FLRT1: variants seen among roughly 807,000 people sequenced by gnomAD.
The protein encoded by FLRT1 is leucine-rich repeat transmembrane protein FLRT1.
In FLRT1, 14 loss-of-function variants were observed where a neutral mutation model predicts 30.9. The ratio of observed to expected loss-of-function variants is 0.45; its 90% CI spans 0.30 to 0.71. The LOEUF (loss-of-function observed/expected upper bound fraction) is 0.71. FLRT1 is among the 30% of genes least tolerant of loss of function. The pLI is 0.08. For synonymous variants in FLRT1, 368 were observed against 430.4 expected (o/e 0.85, Z 1.80); for missense variants, 737 against 949.2 (o/e 0.78, Z 2.94).
chr11:64,115,995 A>T (rs1944971479), intron 2 of FLRT1, among the ~76,000 whole-genome samples: 1 of 152,186 alleles, frequency 6.6e-6, no homozygotes, highest in East Asian at 1.9e-4. Context: ...TCCTGATAAG[A>T]TTTAACATTA....
chr11:64,049,541 C>T (rs773089018), intron 1 of FLRT1, among the ~76,000 whole-genome samples: 2 of 152,220 alleles, frequency 1.3e-5, no homozygotes, highest in South Asian at 2.1e-4. Context: ...CCTCCCCAAG[C>T]GGTCTTGGTC....
rs1182356586 is a variant in FLRT1 at position 64,113,867 on chromosome 11, G to GATAC, written c.-49-2349_-49-2346dup. Among the ~76,000 whole-genome samples, 338 of 132,998 alleles carry GATAC rather than the reference G, an allele frequency of 2.5e-3. 2 individuals are homozygous for GATAC. The highest frequency in any genetic ancestry group is 5.8e-3 in the Admixed American group (74 of 12,674). 87.3% of individuals were successfully genotyped at this position (132,998 alleles called of 152,430 possible). On this transcript the variant is annotated intron_variant, in intron 2 of 2. Transcript: ENST00000682287. Reference sequence around the variant, plus strand: ...GGATGGACAGCTGGATGTATGGATTGATACATGGATGGATGGATGGATGGA... The same window carrying GATAC: ...GGATGGACAGCTGGATGTATGGATTGATACATACATGGATGGATGGATGGATGGA...
chr11:64,062,726 C>A (rs1419914837), intron 1 of FLRT1, among the ~76,000 whole-genome samples: 1 of 152,212 alleles, frequency 6.6e-6, no homozygotes, highest in Admixed American at 6.5e-5. Flanking sequence ...CCCCGCGCAG[C>A]CTGACCCAGG....
rs534765350 is a variant in FLRT1, at chr11:64,060,834, C to G, written c.-1038+24675C>G. 2.9e-4 allele frequency among the ~76,000 whole-genome samples: 44 copies of G among 152,302 alleles called. 1 individual carries two copies. Among genetic ancestry groups the G allele is most frequent in the African/African-American group, 8.7e-4 (36 of 41,580 alleles). On this transcript the variant is annotated intron_variant, in intron 1 of 2. Transcript: ENST00000682287. The stretch of plus-strand genomic sequence containing the variant: ...TGCAGCCCCCGGGTCGCCCGGGTCC[C>G]GGAGCCGGCGGGTGTGAACGGGGCC...
chr11:64,086,247 C>A (rs1180512575), intron 1 of FLRT1, among the ~76,000 whole-genome samples: 1 of 152,134 alleles, frequency 6.6e-6, no homozygotes, highest in Admixed American at 6.5e-5. Flanking sequence ...GTCTTGCATT[C>A]GGGGCCAGAG....
intron 1 of FLRT1, among the ~76,000 whole-genome samples, chr11:64,041,355 C>T (rs866826817): frequency 6.6e-6 from 1 of 152,092 alleles, no homozygotes; most frequent in South Asian, 2.1e-4. Flanking sequence ...CTCCACCCCC[C>T]GTGACGCCTG....
intron 2 of FLRT1, among the ~76,000 whole-genome samples, chr11:64,109,915 G>A (rs1175085968): frequency 2.0e-5 from 3 of 152,096 alleles, no homozygotes; most frequent in Non-Finnish European, 2.9e-5. Flanking sequence ...ACTGGAGCGC[G>A]GAGGACAGAG....
chr11:64,039,420 C>T (rs376159097), intron 1 of FLRT1, among the ~76,000 whole-genome samples: 4 of 152,088 alleles, frequency 2.6e-5, no homozygotes, highest in Non-Finnish European at 5.9e-5. Flanking sequence ...CGGGTGGTAG[C>T]GGGGGGTCCC....
At chr11:64,114,055 CATGGATGGATGGATGG>C (rs61724501) in intron 2 of FLRT1, among the ~76,000 whole-genome samples, 25 of 98,120 alleles carry the variant, frequency 2.5e-4, no homozygotes, top group African/African-American at 5.4e-4. Context: ...TGGGTTGATG[CATGGATGGATGGATGG>C]ATGGATGGAT....
rs1330830660 is a variant in FLRT1, at chr11:64,117,138, G to A, written c.871G>A (p.Ala291Thr). The A allele has an allele frequency of 1.9e-6, 3 of 1,613,270 alleles. No individual in the cohort carries two copies. The highest frequency in any genetic ancestry group is 2.5e-6 in the Non-Finnish European group (3 of 1,179,694). ...CAGCCACATCCCCTACAACACGCTG[G>A]CCAAGATGCGTGAGCTGGAGCGGCT... ...AISHIPYNTLAKMRELERLDL... is the reference protein window; with the variant it reads ...AISHIPYNTLTKMRELERLDL... The change falls in exon 3 of 3, where the codon GCC becomes ACC. Residue 291 changes from alanine to threonine, a missense_variant. By Grantham distance (58) the Ala-to-Thr change is moderately conservative (BLOSUM62 0). Coordinates refer to ENST00000682287, the MANE Select transcript of FLRT1 (RefSeq NM_013280.5).
In FLRT1 at chr11:64,067,320, C is replaced by G. The variant is rs1319726068; in HGVS notation, c.-1038+31161C>G. Among the ~76,000 whole-genome samples the G allele has an allele frequency of 1.3e-5, 2 of 152,174 alleles. No individual in the cohort carries two copies. The highest frequency in any genetic ancestry group is 2.4e-5 in the African/African-American group (1 of 41,442). On this transcript the variant is annotated intron_variant, in intron 1 of 2. Coordinates refer to ENST00000682287, the MANE Select transcript of FLRT1 (RefSeq NM_013280.5). This position sits in a 1 kb window ranked among gnomAD's most constrained non-coding sequence, Gnocchi z 4.6. ...TGGCCTCCTCCCCACTGCTCAGCCTCTCCCGGAGGATGGTGAGGGGGGAAT... is the reference window on the plus strand; with the variant it reads ...TGGCCTCCTCCCCACTGCTCAGCCTGTCCCGGAGGATGGTGAGGGGGGAAT...
rs1944025161 is a variant in FLRT1, at chr11:64,067,436, CCAGGTGACAGCCAGCACAGA to C, written c.-1038+31279_-1038+31298del. On this transcript the variant is annotated intron_variant, in intron 1 of 2. Coordinates refer to ENST00000682287, the MANE Select transcript of FLRT1 (RefSeq NM_013280.5). The surrounding 1 kb of genome is among the most constrained non-coding windows in gnomAD (Gnocchi z 4.6). ...TCAGCTCACAAATCATGCCCCCGGC[CCAGGTGACAGCCAGCACAGA>C]CGCCCAGCTCAGATAACAGAAGGGA... Among the ~76,000 whole-genome samples, 1 of 152,172 alleles carries C rather than the reference CCAGGTGACAGCCAGCACAGA, an allele frequency of 6.6e-6. No individual in the cohort carries two copies. Among genetic ancestry groups the C allele is most frequent in the African/African-American group, 2.4e-5 (1 of 41,428 alleles).
At chr11:64,089,952 G>A (rs1944460990) in intron 1 of FLRT1, among the ~76,000 whole-genome samples, 1 of 152,212 alleles carries the variant, frequency 6.6e-6, no homozygotes, top group South Asian at 2.1e-4. Context: ...GCCCTGTAAA[G>A]TGAGAGGATT....
intron 1 of FLRT1, chr11:64,086,943 G>C (rs983727827): frequency 4.6e-5 from 7 of 152,136 alleles, no homozygotes; most frequent in African/African-American, 1.7e-4. Context: ...CCTTGATGGC[G>C]GGGTATGAAG....
At chr11:64,072,007 C>T (rs573822233) in intron 1 of FLRT1, among the ~76,000 whole-genome samples, 3 of 152,334 alleles carry the variant, frequency 2.0e-5, no homozygotes, top group South Asian at 2.1e-4. Context: ...TCCAGCAGGT[C>T]GATAGCAAAA....
chr11:64,101,975 C>T (rs1377528443), intron 1 of FLRT1, among the ~76,000 whole-genome samples: 1 of 152,188 alleles, frequency 6.6e-6, no homozygotes, highest in Non-Finnish European at 1.5e-5. Flanking sequence ...GGCTGTGAGC[C>T]CCGTGGGCAG....
At chr11:64,078,935 G>A (rs532164181) in intron 1 of FLRT1, among the ~76,000 whole-genome samples, 2 of 152,316 alleles carry the variant, frequency 1.3e-5, no homozygotes, top group East Asian at 1.9e-4. Context: ...ATGCCAGTGC[G>A]GTTAAGGGTG....
chr11:64,077,070 G>A (rs1329872224), intron 1 of FLRT1, among the ~76,000 whole-genome samples: 2 of 152,062 alleles, frequency 1.3e-5, no homozygotes, highest in East Asian at 3.9e-4. Flanking sequence ...GGGGTCCACA[G>A]ACCCCAGACC....
intron 1 of FLRT1, among the ~76,000 whole-genome samples, chr11:64,071,763 G>A (rs1944111558): frequency 6.6e-6 from 1 of 152,196 alleles, no homozygotes; most frequent in Non-Finnish European, 1.5e-5. Flanking sequence ...AGACTGGCCT[G>A]CCCCATCCTC....
Sources: gnomAD v4.1 joint callset for allele counts (sites outside exome capture counted in the v4.1 genomes callset) on GRCh38, gnomAD v4.1.1 for gene constraint, Gnocchi (gnomAD v3.1) non-coding constraint, MANE v1.5 for transcripts, NCBI Gene and HGNC (gene_info 2026-07-23, HGNC 2026-07-21) for gene names.